PARD3B: variants seen among roughly 807,000 people sequenced by gnomAD.
The protein encoded by PARD3B is partitioning defective 3 homolog B.
Under a neutral mutation model 130.2 loss-of-function variants are expected in PARD3B, and 103 were observed. The ratio of observed to expected loss-of-function variants is 0.79; its 90% CI spans 0.67 to 0.93. The LOEUF is 0.93. PARD3B is among the 40% of genes least tolerant of loss of function. The probability of loss-of-function intolerance (pLI) is 0.00; values close to 1 mark genes in which losing one functional copy is unlikely to be tolerated. For missense variants in PARD3B, 1,609 were observed against 1,499.2 expected, an observed-to-expected ratio of 1.07 and a Z score of -1.21; for synonymous variants, 583 against 553.2, an observed-to-expected ratio of 1.05 and a Z score of -0.76.
At chr2:205,220,027 C>T (rs747902292) in intron 15 of PARD3B, among the ~76,000 whole-genome samples, 1 of 151,992 alleles carries the variant, frequency 6.6e-6, no homozygotes, top group Non-Finnish European at 1.5e-5. Flanking sequence ...ACTGTTGAGC[C>T]GCAATTCAGA....
At chr2:205,526,746 T>A (rs1264921086) in intron 21 of PARD3B, among the ~76,000 whole-genome samples, 1 of 152,212 alleles carries the variant, frequency 6.6e-6, no homozygotes, top group Non-Finnish European at 1.5e-5. Flanking sequence ...GTGCTTTGTC[T>A]TTAGTAATTA....
chr2:204,744,064 A>G (rs933554485), intron 2 of PARD3B, among the ~76,000 whole-genome samples: 4 of 152,088 alleles, frequency 2.6e-5, no homozygotes, highest in African/African-American at 4.8e-5. Context: ...CCTTTTTTCT[A>G]TCTGTATTAG....
chr2:205,486,265 G>A (rs756168409), intron 20 of PARD3B, among the ~76,000 whole-genome samples: 13 of 152,174 alleles, frequency 8.5e-5, no homozygotes, highest in Non-Finnish European at 1.8e-4. Context: ...CAATCCATAG[G>A]AGATGGTAAT....
intron 22 of PARD3B, among the ~76,000 whole-genome samples, chr2:205,588,477 A>G (rs974867975): frequency 3.9e-5 from 6 of 152,036 alleles, no homozygotes; most frequent in Non-Finnish European, 8.8e-5. Flanking sequence ...GTTTTTCCAG[A>G]CAAGTAATGT....
At position 204,967,601 on chromosome 2, in the gene PARD3B, C is replaced by T. The variant is rs1233412380; in HGVS notation, c.394+2278C>T. On this transcript the variant is annotated intron_variant, in intron 3 of 22. Transcript: ENST00000406610. This position sits in a 1 kb window ranked among gnomAD's most constrained non-coding sequence, Gnocchi z 4.4. The stretch of plus-strand genomic sequence containing the variant: ...GCAAGGATGAATGACGTAAAAAAAT[C>T]ATCCCTTACCCACTTTCATGGTTCT... 3.9e-5 allele frequency among the ~76,000 whole-genome samples: 6 copies of T among 152,210 alleles called. No homozygotes were observed. The East Asian group carries it at 5.8e-4, about 15-fold the overall frequency.
chr2:204,941,846 A>G (rs1163394076), intron 2 of PARD3B, among the ~76,000 whole-genome samples: 1 of 152,066 alleles, frequency 6.6e-6, no homozygotes, highest in Non-Finnish European at 1.5e-5. Flanking sequence ...GTGTGTGTAT[A>G]TATATATATT....
intron 16 of PARD3B, among the ~76,000 whole-genome samples, chr2:205,299,914 G>A (rs1043927845): frequency 6.6e-6 from 1 of 152,106 alleles, no homozygotes; most frequent in Non-Finnish European, 1.5e-5. Context: ...TAAATAAATG[G>A]CAGTTACCAT....
intron 1 of PARD3B, among the ~76,000 whole-genome samples, chr2:204,548,574 T>C (rs554342015): frequency 1.1e-4 from 16 of 152,342 alleles, no homozygotes; most frequent in Admixed American, 9.8e-4. Flanking sequence ...TGTATGTTGT[T>C]ATGAATTGGA....
At chr2:205,601,435 C>T (rs890409194) in intron 22 of PARD3B, among the ~76,000 whole-genome samples, 1 of 152,084 alleles carries the variant, frequency 6.6e-6, no homozygotes, top group African/African-American at 2.4e-5. Context: ...AATTTTTCTC[C>T]CATTCTGTAG....
intron 2 of PARD3B, among the ~76,000 whole-genome samples, chr2:204,778,939 G>C (rs891102057): frequency 3.3e-5 from 5 of 152,146 alleles, no homozygotes; most frequent in Middle Eastern, 3.4e-3. Flanking sequence ...CTTTACCATG[G>C]CCTACAAAGC....
chr2:204,645,663 C>T (rs921741057), intron 1 of PARD3B, among the ~76,000 whole-genome samples: 1 of 152,032 alleles, frequency 6.6e-6, no homozygotes, highest in Non-Finnish European at 1.5e-5. Context: ...TGTATTAGTA[C>T]TTTCTACCTA....
At chr2:204,923,833 G>C (rs1310329259) in intron 2 of PARD3B, among the ~76,000 whole-genome samples, 2 of 152,004 alleles carry the variant, frequency 1.3e-5, no homozygotes, top group Non-Finnish European at 2.9e-5. Flanking sequence ...TATACACAGA[G>C]GTGATTGTGA....
chr2:205,141,877 T>C (rs1386839864), intron 10 of PARD3B, among the ~76,000 whole-genome samples: 3 of 152,194 alleles, frequency 2.0e-5, no homozygotes, highest in African/African-American at 4.8e-5. Flanking sequence ...ATGAACTGTT[T>C]TTTAATTTTA....
At chr2:205,552,761 T>C (rs769856587) in intron 21 of PARD3B, among the ~76,000 whole-genome samples, 58 of 152,106 alleles carry the variant, frequency 3.8e-4, no homozygotes, top group Non-Finnish European at 6.6e-4. Context: ...CAAGAAGAGC[T>C]ATAATGGCGT....
rs2030713489 is a variant in PARD3B, at chr2:205,121,528, GTACTT to G, written c.807-60_807-56del. 3 of 1,420,638 alleles carry G rather than the reference GTACTT, an allele frequency of 2.1e-6. No homozygotes were observed. In the East Asian group the frequency reaches 6.9e-5, roughly 32 times the overall value. 88.0% of individuals were successfully genotyped at this position (1,420,638 alleles called of 1,614,324 possible). A position where few individuals can be genotyped will look rare whatever the true frequency, so the allele number is the denominator to read the frequency against. ...TGCTCTTGGTTGCCATCCTCCTGGG[GTACTT>G]TAGAAGATGCTGCACCTCAAAGCAG... On this transcript the variant is annotated intron_variant, in intron 7 of 22. Coordinates refer to ENST00000406610, the MANE Select transcript of PARD3B (RefSeq NM_001302769.2). This position sits in a 1 kb window ranked among gnomAD's most constrained non-coding sequence, Gnocchi z 5.0.
intron 19 of PARD3B, among the ~76,000 whole-genome samples, chr2:205,424,588 A>G (rs764283146): frequency 2.0e-5 from 3 of 152,308 alleles, no homozygotes; most frequent in South Asian, 2.1e-4. Context: ...TGCACCAGCC[A>G]GGTGTGAAAT....
At chr2:205,368,637 TA>T (rs2105900992) in intron 18 of PARD3B, among the ~76,000 whole-genome samples, 1 of 152,078 alleles carries the variant, frequency 6.6e-6, no homozygotes, top group African/African-American at 2.4e-5. Context: ...GTCTCAAAAA[TA>T]AAAGTTGTAA....
In PARD3B at chr2:205,121,762, G is replaced by T. The variant is rs771988958; in HGVS notation, c.978G>T (p.Ser326=). ...TGCCGCCTCCTGTCCATGGAAAATC[G>T]GGACTAAAGACAGCAAATCTCACAG... ...TKVPPPVHGK[S]GLKTANLTGT... The change falls in exon 8 of 23, where the codon TCG becomes TCT. Residue 326 remains serine (S), a synonymous_variant. Transcript: ENST00000406610. This position sits in a 1 kb window ranked among gnomAD's most constrained non-coding sequence, Gnocchi z 5.0. 1 of 1,613,858 alleles carries T rather than the reference G, an allele frequency of 6.2e-7. No individual in the cohort carries two copies. Among genetic ancestry groups the T allele is most frequent in the African/African-American group, 1.3e-5 (1 of 74,830 alleles).
Position 204,886,917 on chromosome 2 carries a change from C to A in PARD3B, c.223-78235C>A, listed in dbSNP as rs571909083. On this transcript the variant is annotated intron_variant, in intron 2 of 22. Transcript: ENST00000406610. ...AGGCATTTTCTTAGATGGGCTTTAGCCTAATGACCATGACTGCCTAACAGT... is the reference window on the plus strand; with the variant it reads ...AGGCATTTTCTTAGATGGGCTTTAGACTAATGACCATGACTGCCTAACAGT... Among the ~76,000 whole-genome samples, 4 of 152,278 alleles carry A rather than the reference C, an allele frequency of 2.6e-5. No homozygotes were observed. In the South Asian group the frequency reaches 8.3e-4, roughly 32 times the overall value.
Sources: gnomAD v4.1 joint callset for allele counts (sites outside exome capture counted in the v4.1 genomes callset) on GRCh38, gnomAD v4.1.1 for gene constraint, Gnocchi (gnomAD v3.1) non-coding constraint, MANE v1.5 for transcripts, NCBI Gene and HGNC (gene_info 2026-07-23, HGNC 2026-07-21) for gene names.